Variants in UGT1A7 observed in about 807,000 individuals in gnomAD.
The protein encoded by UGT1A7 is UDP-glucuronosyltransferase 1A7.
A neutral mutation model predicts 45.6 loss-of-function variants in UGT1A7; 33 were observed. That is an observed-to-expected ratio of 0.72 (90% confidence interval 0.55 to 0.97). The LOEUF (loss-of-function observed/expected upper bound fraction) is 0.97. Among genes scored for constraint, UGT1A7 ranks in the 50% least tolerant of loss-of-function variants. The pLI, the probability that UGT1A7 is intolerant of heterozygous loss-of-function variation, is 0.00. For synonymous variants in UGT1A7, 274 were observed against 250.6 expected (o/e 1.09, Z -0.88); for missense variants, 684 against 666.2 (o/e 1.03, Z -0.29).
chr2:233,718,869 C>T (rs1369983099), intron 1 of UGT1A7: 2 of 1,613,908 alleles, frequency 1.2e-6, no homozygotes, highest in Non-Finnish European at 1.7e-6. Flanking sequence ...CACAGGACTG[C>T]TGCTCCTCCT....
At position 233,769,585 on chromosome 2, in the gene UGT1A7, G is replaced by A; in HGVS notation, c.1295+1146G>A. On this transcript the variant is annotated intron_variant, in intron 4 of 4. Transcript: ENST00000373426. This position sits in a 1 kb window ranked among gnomAD's most constrained non-coding sequence, Gnocchi z 4.4. ...GAAGAGCTGGAGCATGTTCAGATGA[G>A]AGGAGACGGAACACGGGGACACACC... is the stretch of plus-strand genomic sequence containing the variant. 1.2e-6 allele frequency: 2 copies of A among 1,612,920 alleles called. No individual in the cohort carries two copies. Among genetic ancestry groups the A allele is most frequent in the Non-Finnish European group, 1.7e-6 (2 of 1,179,890 alleles).
intron 1 of UGT1A7, among the ~76,000 whole-genome samples, chr2:233,728,046 T>C (rs537522155): frequency 1.8e-4 from 28 of 152,360 alleles, no homozygotes; most frequent in Admixed American, 3.9e-4. Flanking sequence ...ATAAGCCTCA[T>C]TGGGCTTGAG....
intron 1 of UGT1A7, chr2:233,755,373 C>A (rs534555830): frequency 2.8e-6 from 1 of 357,666 alleles, no homozygotes; most frequent in South Asian, 2.2e-5. Context: ...GCCTGGAGGG[C>A]CGCCCCTTAT....
intron 1 of UGT1A7, chr2:233,718,717 C>T (rs1286763118): frequency 2.5e-5 from 40 of 1,608,524 alleles, no homozygotes; most frequent in Non-Finnish European, 3.2e-5. Context: ...CAATTACATG[C>T]TGATTTGCTA....
chr2:233,711,814 G>A (rs1262111547), intron 1 of UGT1A7, among the ~76,000 whole-genome samples: 2 of 152,206 alleles, frequency 1.3e-5, no homozygotes, highest in African/African-American at 4.8e-5. Context: ...CATCATCCTG[G>A]GGCGACCAGG....
intron 3 of UGT1A7, 27 bp downstream of exon 3, chr2:233,767,963 G>A: frequency 1.2e-6 from 2 of 1,614,136 alleles, no homozygotes; most frequent in Non-Finnish European, 1.7e-6. Context: ...GGATGTATAG[G>A]TCAAACCAGG....
intron 1 of UGT1A7, chr2:233,713,305 ATCT>A (rs761507156): frequency 1.2e-6 from 2 of 1,614,274 alleles, no homozygotes; most frequent in Non-Finnish European, 1.7e-6. Flanking sequence ...GAAACAGAAC[ATCT>A]TCTGATGAAA....
chr2:233,717,792 G>A (rs1353792882), intron 1 of UGT1A7: 6 of 456,092 alleles, frequency 1.3e-5, no homozygotes, highest in African/African-American at 4.0e-5. Flanking sequence ...GAAATTTGAA[G>A]TAGTGCCCCC....
At chr2:233,771,399 T>G (rs972051776) in intron 4 of UGT1A7, 1 of 152,180 alleles carries the variant, frequency 6.6e-6, no homozygotes, top group East Asian at 1.9e-4. Flanking sequence ...GATTGGGCAA[T>G]GAACACTGTC....
chr2:233,724,170 C>G (rs1159618034), intron 1 of UGT1A7, among the ~76,000 whole-genome samples: 4 of 122,852 alleles, frequency 3.3e-5, no homozygotes, highest in Admixed American at 7.6e-5. Flanking sequence ...GCTGACCCCC[C>G]CATCTCCCTC....
rs145912061 is a variant in UGT1A7 at position 233,761,006 on chromosome 2, G to A, written c.856-6028G>A. The A allele has an allele frequency of 8.7e-6, 14 of 1,614,158 alleles. No individual in the cohort carries two copies. The highest frequency in any genetic ancestry group is 1.2e-5 in the Non-Finnish European group (14 of 1,180,024). ...ACCCTTGCCTCAGAATTCCTTCAGAGAGAGGTGACTGTCCAGGACCTATTG... is the reference window on the plus strand; with the variant it reads ...ACCCTTGCCTCAGAATTCCTTCAGAAAGAGGTGACTGTCCAGGACCTATTG... On this transcript the variant is annotated intron_variant, in intron 1 of 4. Transcript: ENST00000373426.
At chr2:233,717,554 G>A (rs1310316217) in intron 1 of UGT1A7, among the ~76,000 whole-genome samples, 2 of 152,208 alleles carry the variant, frequency 1.3e-5, no homozygotes, top group Non-Finnish European at 2.9e-5. Context: ...CACCAGCAAT[G>A]GCAGACATGG....
chr2:233,767,792 T>C (rs1011366406), intron 2 of UGT1A7, 57 bp from the exon 3 acceptor site: 6 of 1,614,068 alleles, frequency 3.7e-6, no homozygotes, highest in Non-Finnish European at 3.4e-6. Context: ...ATAGCAGATT[T>C]GTTTTCTAAT....
chr2:233,691,628 G>A (rs10445704), intron 1 of UGT1A7: 398,723 of 985,222 alleles, frequency 0.4, 81,149 homozygotes, highest in South Asian at 0.46. Context: ...CAGCAGTGTG[G>A]TTAGCAGGCA....
chr2:233,740,339 A>T (rs1249228201), intron 1 of UGT1A7, among the ~76,000 whole-genome samples: 1 of 151,952 alleles, frequency 6.6e-6, no homozygotes, highest in Admixed American at 6.5e-5. Context: ...GAGAAAGTTG[A>T]TGAGAAAGTG....
chr2:233,697,426 C>T (rs1020465940), intron 1 of UGT1A7, among the ~76,000 whole-genome samples: 1 of 150,954 alleles, frequency 6.6e-6, no homozygotes, highest in African/African-American at 2.4e-5. Flanking sequence ...TGCTGTGTTT[C>T]CTTTTTCATT....
intron 1 of UGT1A7, chr2:233,690,664 G>C (rs2075002310): frequency 7.9e-7 from 1 of 1,272,234 alleles, no homozygotes; most frequent in Non-Finnish European, 1.0e-6. Context: ...GCACCAACCA[G>C]GGCAGGCCTG....
intron 1 of UGT1A7, among the ~76,000 whole-genome samples, chr2:233,746,098 C>T (rs530884234): frequency 6.6e-5 from 10 of 151,904 alleles, no homozygotes; most frequent in South Asian, 2.1e-4. Context: ...AGAAACATGT[C>T]CAGAGTGCTT....
chr2:233,687,690 C>T (rs1385229138), intron 1 of UGT1A7, among the ~76,000 whole-genome samples: 1 of 151,794 alleles, frequency 6.6e-6, no homozygotes, highest in South Asian at 2.1e-4. Context: ...ATCACTTAAG[C>T]CCAGGAGTTT....
Sources: allele counts gnomAD v4.1 joint callset (sites outside exome capture counted in the v4.1 genomes callset), GRCh38; gene constraint gnomAD v4.1.1; non-coding constraint Gnocchi (gnomAD v3.1); transcripts MANE v1.5; gene names NCBI Gene and HGNC (gene_info 2026-07-23, HGNC 2026-07-21).